ADGRL2: variants seen among roughly 807,000 people sequenced by gnomAD.
The protein encoded by ADGRL2 is calcium-independent alpha-latrotoxin receptor 2.
In ADGRL2, 44 loss-of-function variants were observed where a neutral mutation model predicts 157.4. The observed-to-expected ratio is 0.28, with a 90% CI of 0.22 to 0.36. The LOEUF (loss-of-function observed/expected upper bound fraction) is 0.36. Among genes scored for constraint, ADGRL2 ranks in the 10% least tolerant of loss-of-function variants. ADGRL2 has a pLI of 1.00. For missense variants in ADGRL2, 1,510 were observed against 1,768.9 expected (o/e 0.85, Z 2.63); for synonymous variants, 585 against 624.7 (o/e 0.94, Z 0.95).
At chr1:81,974,150 G>A (rs1351409046) in intron 17 of ADGRL2, among the ~76,000 whole-genome samples, 1 of 152,098 alleles carries the variant, frequency 6.6e-6, no homozygotes, top group African/African-American at 2.4e-5. Flanking sequence ...TTAAATAGGT[G>A]TACATTCTAA....
chr1:81,811,695 T>G (rs1476377685), intron 1 of ADGRL2, among the ~76,000 whole-genome samples: 1 of 151,682 alleles, frequency 6.6e-6, no homozygotes, highest in Non-Finnish European at 1.5e-5. Context: ...TGAAAATAGA[T>G]TTTTCATAAA....
intron 3 of ADGRL2, among the ~76,000 whole-genome samples, chr1:81,630,788 G>T (rs1223410213): frequency 6.6e-6 from 1 of 152,020 alleles, no homozygotes; most frequent in Non-Finnish European, 1.5e-5. Context: ...ATATGAAGTG[G>T]CAAAAACCCT....
chr1:81,326,559 G>C (rs927886213), intron 1 of ADGRL2, among the ~76,000 whole-genome samples: 13 of 152,162 alleles, frequency 8.5e-5, no homozygotes, highest in Admixed American at 7.9e-4. Context: ...AGTGTCACAC[G>C]GCAATCCAGC....
chr1:81,548,101 A>T (rs1288051633), intron 2 of ADGRL2, among the ~76,000 whole-genome samples: 2 of 152,146 alleles, frequency 1.3e-5, no homozygotes, highest in African/African-American at 4.8e-5. Flanking sequence ...TCTCAGTTTG[A>T]CTACAGCCCA....
At chr1:81,567,952 A>G (rs962032028) in intron 2 of ADGRL2, among the ~76,000 whole-genome samples, 2 of 152,098 alleles carry the variant, frequency 1.3e-5, no homozygotes, top group South Asian at 2.1e-4. Context: ...ATTTCTTTGT[A>G]TCTGAAAACT....
intron 22 of ADGRL2, chr1:81,987,406 G>A (rs1663487182): frequency 1.0e-6 from 1 of 987,032 alleles, no homozygotes; most frequent in Admixed American, 1.7e-5. Flanking sequence ...TTTGCTTCTG[G>A]AATGAATTAG....
chr1:81,387,642 T>C (rs4456134), intron 1 of ADGRL2, among the ~76,000 whole-genome samples: 64,893 of 151,910 alleles, frequency 0.43, 15,222 homozygotes, highest in East Asian at 0.87. Context: ...CTGCTATATA[T>C]CCGAAGTTAT....
chr1:81,344,810 C>T (rs2100790792), intron 1 of ADGRL2, among the ~76,000 whole-genome samples: 1 of 152,108 alleles, frequency 6.6e-6, no homozygotes, highest in East Asian at 1.9e-4. Context: ...AAAGAAGCAG[C>T]TCATGCTATT....
At chr1:81,582,154 A>G (rs1230210870) in intron 3 of ADGRL2, among the ~76,000 whole-genome samples, 1 of 151,952 alleles carries the variant, frequency 6.6e-6, no homozygotes, top group Non-Finnish European at 1.5e-5. Flanking sequence ...CAGGAGGTGG[A>G]GCTTGCGGTG....
intron 2 of ADGRL2, among the ~76,000 whole-genome samples, chr1:81,905,375 A>C (rs1380375599): frequency 1.1e-4 from 16 of 152,048 alleles, no homozygotes; most frequent in Admixed American, 1.0e-3. Flanking sequence ...TGGGATTACA[A>C]GCGTGAACCA....
At chr1:81,749,835 A>G (rs1366210734) in intron 1 of ADGRL2, among the ~76,000 whole-genome samples, 1 of 152,204 alleles carries the variant, frequency 6.6e-6, no homozygotes, top group Non-Finnish European at 1.5e-5. Context: ...TACTGACTTC[A>G]TGACTGGCCC....
At chr1:81,738,016 T>C (rs1248680686) in intron 1 of ADGRL2, among the ~76,000 whole-genome samples, 2 of 152,190 alleles carry the variant, frequency 1.3e-5, no homozygotes, top group African/African-American at 2.4e-5. Context: ...CAAAATTTGA[T>C]AGAGTGTGGT....
At chr1:81,411,450 G>C (rs115140938) in intron 1 of ADGRL2, among the ~76,000 whole-genome samples, 2,341 of 152,238 alleles carry the variant, frequency 0.015, 36 homozygotes, top group African/African-American at 0.035. Context: ...GGTGTCGTTA[G>C]CATCTGCATT....
intron 2 of ADGRL2, among the ~76,000 whole-genome samples, chr1:81,474,022 A>G (rs1399981814): frequency 6.6e-6 from 1 of 152,076 alleles, no homozygotes; most frequent in Non-Finnish European, 1.5e-5. Flanking sequence ...TGAGGAGAAG[A>G]AGAGGGAGAA....
At chr1:81,839,138 A>G (rs2092428283) in intron 2 of ADGRL2, among the ~76,000 whole-genome samples, 1 of 152,072 alleles carries the variant, frequency 6.6e-6, no homozygotes, top group Admixed American at 6.6e-5. Context: ...TTTAACCTTC[A>G]GCTATTGAGT....
intron 2 of ADGRL2, among the ~76,000 whole-genome samples, chr1:81,866,974 A>G (rs1437759440): frequency 6.6e-6 from 1 of 152,180 alleles, no homozygotes; most frequent in African/African-American, 2.4e-5. Flanking sequence ...CTCAAAGCAC[A>G]GAATTTAAAG....
chr1:81,503,991 A>T (rs942457422), intron 2 of ADGRL2, among the ~76,000 whole-genome samples: 5 of 151,902 alleles, frequency 3.3e-5, no homozygotes, highest in African/African-American at 1.2e-4. Flanking sequence ...CACTTTGCCT[A>T]CTGTTAGGTT....
intron 1 of ADGRL2, among the ~76,000 whole-genome samples, chr1:81,749,228 T>C (rs2085411609): frequency 6.6e-6 from 1 of 152,144 alleles, no homozygotes; most frequent in African/African-American, 2.4e-5. Context: ...TACAAAATGA[T>C]TTAGACAGTT....
intron 1 of ADGRL2, among the ~76,000 whole-genome samples, chr1:81,338,144 C>T (rs1448666933): frequency 6.6e-6 from 1 of 152,138 alleles, no homozygotes; most frequent in Non-Finnish European, 1.5e-5. Flanking sequence ...TGGCAGATCA[C>T]CTGAGGTCAG....
Sources: allele counts gnomAD v4.1 joint callset (sites outside exome capture counted in the v4.1 genomes callset), GRCh38; gene constraint gnomAD v4.1.1; transcripts MANE v1.5; gene names NCBI Gene and HGNC (gene_info 2026-07-23, HGNC 2026-07-21).